Variants in USP15 observed in about 807,000 individuals in gnomAD.
USP15 encodes ubiquitin specific peptidase 15.
Under a neutral mutation model 127.1 loss-of-function variants are expected in USP15, and 18 were observed. That is an observed-to-expected ratio of 0.14 (90% CI 0.10 to 0.21). USP15 has a LOEUF of 0.21. Ranked by LOEUF, USP15 falls within the 10% of genes least tolerant of loss-of-function variation. The pLI, the probability that USP15 is intolerant of heterozygous loss-of-function variation, is 1.00. For missense variants in USP15, 805 were observed against 1,159.9 expected (o/e 0.69, Z 4.44); for synonymous variants, 364 against 393.7 (o/e 0.92, Z 0.89).
chr12:62,365,906 G>C (rs1462200659), intron 8 of USP15, among the ~76,000 whole-genome samples: 1 of 152,104 alleles, frequency 6.6e-6, no homozygotes, highest in Non-Finnish European at 1.5e-5. Flanking sequence ...TGTTGCATTG[G>C]TCTATATATC....
In USP15 at chr12:62,410,732, A is replaced by C. The variant is rs893000459; in HGVS notation, c.*6357A>C. ...GCTGGTCTCTTGAAAGTATTAGTTT[A>C]TGGGTGTGGAGAGGAAGGCTTAAAT... On this transcript the variant is annotated 3_prime_UTR_variant, in exon 22 of 22. Transcript: ENST00000280377. 1 of 152,134 alleles carries C rather than the reference A, an allele frequency of 6.6e-6. No individual in the cohort carries two copies. Among genetic ancestry groups the C allele is most frequent in the Non-Finnish European group, 1.5e-5 (1 of 68,014 alleles). 9.4% of individuals were successfully genotyped at this position (152,134 alleles called of 1,614,324 possible).
intron 7 of USP15, among the ~76,000 whole-genome samples, chr12:62,353,194 A>G (rs1324486285): frequency 2.0e-5 from 3 of 152,064 alleles, no homozygotes; most frequent in Admixed American, 1.3e-4. Context: ...TTTCATTATC[A>G]TTTTGAGCAT....
intron 6 of USP15, among the ~76,000 whole-genome samples, chr12:62,337,843 G>A (rs922627075): frequency 3.3e-5 from 5 of 152,116 alleles, no homozygotes; most frequent in African/African-American, 1.2e-4. Flanking sequence ...AGTATTCCAT[G>A]GTGTATATGT....
intron 8 of USP15, among the ~76,000 whole-genome samples, chr12:62,362,664 A>G (rs1331813141): frequency 6.6e-6 from 1 of 152,180 alleles, no homozygotes; most frequent in Non-Finnish European, 1.5e-5. Flanking sequence ...GAAGTCATTT[A>G]CTCAGCAAAT....
chr12:62,277,256 T>C (rs1376957684), intron 1 of USP15, among the ~76,000 whole-genome samples: 4 of 152,184 alleles, frequency 2.6e-5, no homozygotes, highest in Non-Finnish European at 5.9e-5. Context: ...TTATGGTATT[T>C]ATATATTTCC....
At chr12:62,285,634 G>A (rs540009074) in intron 1 of USP15, among the ~76,000 whole-genome samples, 1 of 151,496 alleles carries the variant, frequency 6.6e-6, no homozygotes, top group Non-Finnish European at 1.5e-5. Flanking sequence ...AGTATTCCAT[G>A]GTGTGTGTGT....
intron 8 of USP15, among the ~76,000 whole-genome samples, chr12:62,367,705 C>T (rs1210158656): frequency 6.6e-6 from 1 of 151,828 alleles, no homozygotes. Flanking sequence ...CTCTTTTCTT[C>T]TTTATTAGTC....
chr12:62,403,300 T>A (rs1378537319), intron 21 of USP15, among the ~76,000 whole-genome samples: 3 of 152,020 alleles, frequency 2.0e-5, no homozygotes, highest in Non-Finnish European at 2.9e-5. Flanking sequence ...ACATAGTATG[T>A]TTAAAGGTCA....
chr12:62,287,473 C>T (rs554605445), intron 1 of USP15, among the ~76,000 whole-genome samples: 7 of 152,068 alleles, frequency 4.6e-5, no homozygotes, highest in Non-Finnish European at 1.0e-4. Flanking sequence ...GAATATTAGT[C>T]CTTTGTTGGA....
At chr12:62,260,906 C>T (rs1330525252) in intron 1 of USP15, among the ~76,000 whole-genome samples, 2 of 152,142 alleles carry the variant, frequency 1.3e-5, no homozygotes, top group Non-Finnish European at 2.9e-5. Context: ...GGCTTTACTT[C>T]TCTGTTCATT....
chr12:62,311,719 A>G (rs1045698669), intron 3 of USP15, among the ~76,000 whole-genome samples: 1 of 151,774 alleles, frequency 6.6e-6, no homozygotes, highest in African/African-American at 2.4e-5. Context: ...GTATGTCACC[A>G]TCTATGCAGT....
chr12:62,355,035 G>A (rs1295066050), intron 7 of USP15: 1 of 196,358 alleles, frequency 5.1e-6, no homozygotes, highest in African/African-American at 2.3e-5. Context: ...GGAGCAATGG[G>A]GAATGGAGCA....
At position 62,385,449 on chromosome 12, in the gene USP15, C is replaced by A. The variant is rs77379700; in HGVS notation, c.1473+1147C>A. ...TATGTAGTGTTCATAAACACACAGT[C>A]CTTTTATTCAAAGTAATTAAAGTCT... is the stretch of plus-strand genomic sequence containing the variant. On this transcript the variant is annotated intron_variant, in intron 11 of 21. Transcript: ENST00000280377. 6.9e-3 allele frequency among the ~76,000 whole-genome samples: 1,056 copies of A among 152,000 alleles called. 9 individuals are homozygous for A. Among genetic ancestry groups the A allele is most frequent in the African/African-American group, 0.023 (964 of 41,506 alleles).
intron 11 of USP15, among the ~76,000 whole-genome samples, chr12:62,389,219 G>A (rs1289701872): frequency 1.3e-5 from 2 of 151,834 alleles, no homozygotes; most frequent in Admixed American, 6.6e-5. Flanking sequence ...ATTAATGCAA[G>A]TGTCTTTGAA....
Position 62,396,338 on chromosome 12 carries a change from C to G in USP15, c.2614C>G (p.Pro872Ala), listed in dbSNP as rs780752452. 2 of 1,601,152 alleles carry G rather than the reference C, an allele frequency of 1.2e-6. No homozygotes were observed. Among genetic ancestry groups the G allele is most frequent in the African/African-American group, 2.7e-5 (2 of 74,020 alleles). The change falls in exon 20 of 22, where the codon CCT (proline) becomes GCT (alanine). Residue 872 changes from proline (P) to alanine (A), a missense_variant. By Grantham distance (27) the Pro-to-Ala change is conservative. Transcript: ENST00000280377. ...ATTCTTAATTAATCCAAATGCAGGT[C>G]CTTGCCGCTATAATCTGATTGCTGT... ...SEFLINPNAG[P>A]CRYNLIAVSN...
intron 4 of USP15, 131 bp downstream of exon 4, chr12:62,315,047 T>C (rs1336445855): frequency 3.2e-5 from 27 of 837,720 alleles, no homozygotes; most frequent in Non-Finnish European, 4.3e-5. Flanking sequence ...CCAGCTTTGA[T>C]ACAATGTCTT....
chr12:62,394,514 A>G (rs540228235), intron 19 of USP15, among the ~76,000 whole-genome samples: 220 of 152,356 alleles, frequency 1.4e-3, no homozygotes, highest in African/African-American at 5.0e-3. Context: ...ATAGTGAGCC[A>G]TAAGTTTTCA....
intron 3 of USP15, among the ~76,000 whole-genome samples, chr12:62,308,715 A>T (rs1208607648): frequency 6.6e-6 from 1 of 152,154 alleles, no homozygotes; most frequent in Non-Finnish European, 1.5e-5. Context: ...ATTAAGTGGA[A>T]TTTTTAAGCA....
intron 1 of USP15, among the ~76,000 whole-genome samples, chr12:62,287,062 C>T (rs971498341): frequency 6.6e-6 from 1 of 152,024 alleles, no homozygotes; most frequent in African/African-American, 2.4e-5. Flanking sequence ...CAAATTAACA[C>T]AGATACAGAA....
Sources: gnomAD v4.1 joint callset for allele counts (sites outside exome capture counted in the v4.1 genomes callset) on GRCh38, gnomAD v4.1.1 for gene constraint, MANE v1.5 for transcripts, NCBI Gene and HGNC (gene_info 2026-07-23, HGNC 2026-07-21) for gene names.